Variants in ZMYND8 observed in about 807,000 individuals in gnomAD.
The protein encoded by ZMYND8 is zinc finger MYND-type containing 8.
A neutral mutation model predicts 140.8 loss-of-function variants in ZMYND8; 37 were observed. That is an observed-to-expected ratio of 0.26 (90% confidence interval 0.20 to 0.35). The LOEUF (loss-of-function observed/expected upper bound fraction) is 0.35, where lower values mean the gene tolerates loss of function less well. ZMYND8 is among the 10% of genes least tolerant of loss of function. ZMYND8 has a pLI of 1.00. For missense variants in ZMYND8, 1,068 were observed against 1,570.0 expected (o/e 0.68, Z 5.40); for synonymous variants, 592 against 597.1 (o/e 0.99, Z 0.12).
At chr20:47,241,034 G>A (rs1213011090) in intron 14 of ZMYND8, among the ~76,000 whole-genome samples, 2 of 151,866 alleles carry the variant, frequency 1.3e-5, no homozygotes, top group East Asian at 3.9e-4. Flanking sequence ...AGTGGCTCAC[G>A]CCTGTAATCC....
At chr20:47,234,883 T>C (rs980228913) in intron 16 of ZMYND8, among the ~76,000 whole-genome samples, 1 of 152,194 alleles carries the variant, frequency 6.6e-6, no homozygotes, top group Non-Finnish European at 1.5e-5. Context: ...CTCACACCTG[T>C]AATCCCAACA....
chr20:47,231,279 G>C (rs908551109), intron 16 of ZMYND8, among the ~76,000 whole-genome samples: 40 of 152,178 alleles, frequency 2.6e-4, no homozygotes, highest in African/African-American at 9.2e-4. Flanking sequence ...TCTCAGGCCT[G>C]GCTTGACTGG....
intron 2 of ZMYND8, among the ~76,000 whole-genome samples, chr20:47,327,634 C>T (rs1414775992): frequency 2.0e-5 from 3 of 152,016 alleles, no homozygotes; most frequent in Admixed American, 6.6e-5. Context: ...TCAGCCTGCG[C>T]GGCAGAGTAA....
At chr20:47,240,710 G>A (rs1417370394) in intron 14 of ZMYND8, among the ~76,000 whole-genome samples, 1 of 150,462 alleles carries the variant, frequency 6.6e-6, no homozygotes, top group African/African-American at 2.4e-5. Context: ...GCCTGCCACC[G>A]CACCCAGCTA....
chr20:47,344,699 A>G (rs1198366312), intron 2 of ZMYND8, among the ~76,000 whole-genome samples: 1 of 152,250 alleles, frequency 6.6e-6, no homozygotes, highest in Non-Finnish European at 1.5e-5. Context: ...GTATGATGTT[A>G]ATAATAGAAG....
At chr20:47,283,994 C>T (rs1029121499) in intron 8 of ZMYND8, among the ~76,000 whole-genome samples, 11 of 152,120 alleles carry the variant, frequency 7.2e-5, no homozygotes, top group African/African-American at 2.7e-4. Context: ...CCGATCTGGG[C>T]TCATTGCAAC....
At chr20:47,217,478 G>T (rs2036293393) in intron 21 of ZMYND8, among the ~76,000 whole-genome samples, 1 of 152,162 alleles carries the variant, frequency 6.6e-6, no homozygotes, top group Non-Finnish European at 1.5e-5. Flanking sequence ...AGTGAAGAGG[G>T]AGTTGCTTTC....
At chr20:47,229,841 A>C in intron 16 of ZMYND8, 35 bp from the exon 17 acceptor site, 1 of 1,573,160 alleles carries the variant, frequency 6.4e-7, no homozygotes, top group Non-Finnish European at 8.7e-7. Flanking sequence ...TCAGCTGATC[A>C]CTTCTTGGAG....
chr20:47,249,648 T>G (rs1186053820), intron 12 of ZMYND8, among the ~76,000 whole-genome samples: 2 of 141,960 alleles, frequency 1.4e-5, no homozygotes, highest in Non-Finnish European at 1.6e-5. Context: ...TTGGCAGGTT[T>G]AAACAGTCCA....
intron 17 of ZMYND8, 70 bp from the exon 18 acceptor site, chr20:47,227,351 AC>A (rs1163782002): frequency 3.4e-6 from 5 of 1,458,458 alleles, no homozygotes; most frequent in Non-Finnish European, 4.8e-6. Flanking sequence ...CAGAAGCTCA[AC>A]CACGGCTGGC....
Position 47,229,823 on chromosome 20 carries a change from G to GA in ZMYND8, c.2857-18dup, listed in dbSNP as rs779602820. ...ATCCATCATCTGAAAGATAAAAACA[G>GA]AAACAATTCAGCTGATCACTTCTTG... On this transcript the variant is annotated splice_polypyrimidine_tract_variant and intron_variant, in intron 16 of 22. Transcript: ENST00000471951. 4 of 1,601,144 alleles carry GA rather than the reference G, an allele frequency of 2.5e-6. No homozygotes were observed. The Admixed American group carries it at 6.8e-5, about 27-fold the overall frequency.
intron 11 of ZMYND8, among the ~76,000 whole-genome samples, chr20:47,270,697 GAAAAA>G (rs34474269): frequency 1.3e-4 from 11 of 86,636 alleles, no homozygotes; most frequent in Admixed American, 1.5e-4. Context: ...CCCTGTCTCT[GAAAAA>G]AAAAAAAAAA....
chr20:47,223,342 CTAA>C (rs1347156220), intron 19 of ZMYND8, among the ~76,000 whole-genome samples: 1 of 151,770 alleles, frequency 6.6e-6, no homozygotes. Context: ...CCTGTCTCTA[CTAA>C]TAATACAAAA....
chr20:47,233,377 T>C (rs1390514803), intron 16 of ZMYND8, among the ~76,000 whole-genome samples: 1 of 151,236 alleles, frequency 6.6e-6, no homozygotes, highest in Non-Finnish European at 1.5e-5. Context: ...GCCCAGCTAA[T>C]TTTTTTTTAT....
intron 12 of ZMYND8, among the ~76,000 whole-genome samples, chr20:47,253,395 G>C (rs993225453): frequency 1.3e-5 from 2 of 152,088 alleles, no homozygotes; most frequent in Non-Finnish European, 2.9e-5. Context: ...AAATTAGCCA[G>C]GCATGATGGC....
Position 47,209,920 on chromosome 20 carries a change from TGTGA to T in ZMYND8, c.*837_*840del, listed in dbSNP as rs1439124653. ...AGCACAGCATCTCTGACCAAGTGTG[TGTGA>T]GTGTGTTTAAAGGAACCACAAAGCA... On this transcript the variant is annotated 3_prime_UTR_variant, in exon 23 of 23. Transcript: ENST00000471951. The T allele has an allele frequency of 2.0e-5, 3 of 152,650 alleles. No homozygotes were observed. Among genetic ancestry groups the T allele is most frequent in the Admixed American group, 6.5e-5 (1 of 15,290 alleles). The allele number at this position is 152,650 out of a possible 1,614,324, so 9.5% of individuals were successfully genotyped here.
chr20:47,220,303 T>C lies in ZMYND8; in HGVS notation c.3439A>G (p.Arg1147Gly). 1 of 1,563,444 alleles carries C rather than the reference T, an allele frequency of 6.4e-7. No individual in the cohort carries two copies. Among genetic ancestry groups the C allele is most frequent in the Non-Finnish European group, 8.7e-7 (1 of 1,152,918 alleles). Residue 1147 changes from arginine (R) to glycine (G), a missense_variant, in exon 21 of 23, where the codon AGA (arginine) becomes GGA (glycine). This residue lies in a region of ZMYND8 where 180 missense variants were observed against 187.8 expected (regional missense o/e 0.96). Coordinates refer to ENST00000471951, the MANE Select transcript of ZMYND8 (RefSeq NM_001281775.3). ...AAGAGAATGGAGGAGGGCGTCTCTC[T>C]GGAGCCAGAAAGGTCAAGGGTCTAG... Reference protein sequence around the residue: ...SGSTLDLSGSRETPSSILLGS... With the variant: ...SGSTLDLSGSGETPSSILLGS...
chr20:47,290,077 T>G, intron 7 of ZMYND8, 110 bp downstream of exon 7: 5 of 1,032,210 alleles, frequency 4.8e-6, no homozygotes, highest in Non-Finnish European at 7.0e-6. Context: ...GCACAATCTA[T>G]ACGCAAGTAT....
chr20:47,326,556 T>C (rs1478977303), intron 2 of ZMYND8, among the ~76,000 whole-genome samples: 1 of 152,178 alleles, frequency 6.6e-6, no homozygotes, highest in Non-Finnish European at 1.5e-5. Flanking sequence ...CAGTCTTGGT[T>C]CTGGGCCCTT....
Sources: gnomAD v4.1 joint callset for allele counts (sites outside exome capture counted in the v4.1 genomes callset) on GRCh38, gnomAD v4.1.1 for gene constraint, gnomAD v4.1.1 regional missense constraint, MANE v1.5 for transcripts, NCBI Gene and HGNC (gene_info 2026-07-23, HGNC 2026-07-21) for gene names.